SUPT20H: variants seen among roughly 807,000 people sequenced by gnomAD.
SUPT20H encodes the protein transcription factor SPT20 homolog.
In SUPT20H, 82 loss-of-function variants were observed where a neutral mutation model predicts 122.8. The observed-to-expected ratio is 0.67, with a 90% CI of 0.56 to 0.80. The LOEUF (loss-of-function observed/expected upper bound fraction) is 0.80, where lower values mean the gene tolerates loss of function less well. Among genes scored for constraint, SUPT20H ranks in the 30% least tolerant of loss-of-function variants. The probability of loss-of-function intolerance (pLI) is 0.00; values close to 1 mark genes in which losing one functional copy is unlikely to be tolerated. For synonymous variants in SUPT20H, 291 were observed against 313.0 expected (o/e 0.93, Z 0.74); for missense variants, 831 against 921.6 (o/e 0.90, Z 1.27).
chr13:37,027,791 C>T (rs560839088), intron 14 of SUPT20H, among the ~76,000 whole-genome samples: 13 of 152,208 alleles, frequency 8.5e-5, no homozygotes, highest in Non-Finnish European at 1.5e-4. Context: ...CATCTTTTCA[C>T]ATTTATAGTA....
At chr13:37,016,212 C>T (rs775774456) in intron 23 of SUPT20H, among the ~76,000 whole-genome samples, 3 of 151,908 alleles carry the variant, frequency 2.0e-5, no homozygotes, top group Admixed American at 6.6e-5. Flanking sequence ...GGGCGGATCA[C>T]GAGGTCAGGA....
In SUPT20H at chr13:37,031,883, C is replaced by T. The variant is rs867481478; in HGVS notation, c.720G>A (p.Arg240=). Reference sequence around the variant, plus strand: ...GCCGATTCAGAGAGGATCTGGAATACCTCTTGAAACACCTGAAATATTAAG... The same window carrying T: ...GCCGATTCAGAGAGGATCTGGAATATCTCTTGAAACACCTGAAATATTAAG... ...NTRPMKRCFK[R]YSRSSLNRQQ... The change falls in exon 11 of 26, where the codon AGG becomes AGA. Residue 240 remains arginine, a synonymous_variant. Transcript: ENST00000350612. 9 of 1,581,266 alleles carry T rather than the reference C, an allele frequency of 5.7e-6. No homozygotes were observed. The highest frequency in any genetic ancestry group is 7.7e-6 in the Non-Finnish European group (9 of 1,170,532).
chr13:37,033,306 G>C, intron 10 of SUPT20H, 143 bp downstream of exon 10: 2 of 1,011,684 alleles, frequency 2.0e-6, no homozygotes, highest in East Asian at 2.7e-5. Flanking sequence ...TTTGAGACTA[G>C]CCTGGGCAAC....
intron 6 of SUPT20H, 68 bp from the exon 7 acceptor site, chr13:37,044,249 G>T: frequency 1.6e-6 from 2 of 1,236,818 alleles, no homozygotes; most frequent in Non-Finnish European, 2.3e-6. Flanking sequence ...AATTCAAATG[G>T]CTTTTCAAAG....
At position 37,029,818 on chromosome 13, in the gene SUPT20H, C is replaced by G. The variant is rs762240141; in HGVS notation, c.940G>C (p.Val314Leu). Reference sequence around the variant, plus strand: ...TCATCAGATTTGATAGACTTTTCCACTTTAGCATATTTCTCCACCTAAACA... The same window carrying G: ...TCATCAGATTTGATAGACTTTTCCAGTTTAGCATATTTCTCCACCTAAACA... ...SEVDVEKYAK[V>L]EKSIKSDDSQ... Residue 314 changes from valine (V) to leucine (L), a missense_variant, in exon 13 of 26, where the codon GTG becomes CTG. Physicochemically the swap from Val to Leu is conservative, Grantham distance 32. Transcript: ENST00000350612. 1.9e-6 allele frequency: 3 copies of G among 1,600,190 alleles called. No individual in the cohort carries two copies. Among genetic ancestry groups the G allele is most frequent in the Non-Finnish European group, 2.6e-6 (3 of 1,174,220 alleles).
At chr13:37,017,514 CT>C in intron 22 of SUPT20H, 150 bp from the exon 23 acceptor site, 1 of 850,834 alleles carries the variant, frequency 1.2e-6, no homozygotes, top group Non-Finnish European at 1.7e-6. Flanking sequence ...GTTGGCTGCC[CT>C]TAAAAAAAAG....
In SUPT20H at chr13:37,048,552, G is replaced by T. The variant is rs371546254; in HGVS notation, c.39+12C>A. On this transcript the variant is annotated intron_variant, in intron 3 of 25. Transcript: ENST00000350612. ...CAACACTATTTCAATATGTAACTTA[G>T]TCACACCTCACCTCTGCACGATCCA... The T allele has an allele frequency of 3.7e-5, 59 of 1,582,946 alleles. No homozygotes were observed. The highest frequency in any genetic ancestry group is 5.0e-5 in the Non-Finnish European group (58 of 1,166,962).
At chr13:37,016,552 AG>A (rs761949236) in intron 23 of SUPT20H, among the ~76,000 whole-genome samples, 1 of 152,208 alleles carries the variant, frequency 6.6e-6, no homozygotes, top group East Asian at 1.9e-4. Flanking sequence ...ATGAAAAAAC[AG>A]TAAGTTTTTA....
chr13:37,042,176 T>G (rs183337964), intron 7 of SUPT20H, among the ~76,000 whole-genome samples: 8 of 152,168 alleles, frequency 5.3e-5, no homozygotes, highest in Admixed American at 5.2e-4. Flanking sequence ...GACTGGCATT[T>G]GCTGATGGAC....
intron 13 of SUPT20H, among the ~76,000 whole-genome samples, 168 bp from the exon 14 acceptor site, chr13:37,028,473 C>T (rs2062712541): frequency 6.6e-6 from 1 of 152,070 alleles, no homozygotes; most frequent in South Asian, 2.1e-4. Context: ...TAAAGCACAG[C>T]ACGGTTCTTT....
Position 37,026,249 on chromosome 13 carries a change from AG to A in SUPT20H, c.1179-14del, listed in dbSNP as rs746272163. On this transcript the variant is annotated splice_polypyrimidine_tract_variant and intron_variant, in intron 15 of 25. Transcript: ENST00000350612. ...TCCAATAATGAACCTAAAATGTTTA[AG>A]GAAAAAAAAGGAGAGAAAAGTATTA... 3.2e-5 allele frequency: 48 copies of A among 1,486,794 alleles called. No individual in the cohort carries two copies. The South Asian group carries it at 3.9e-4, about 12-fold the overall frequency. 92.1% of individuals were successfully genotyped at this position (1,486,794 alleles called of 1,614,324 possible).
At chr13:37,025,183 C>T (rs1005420210) in intron 17 of SUPT20H, 137 bp downstream of exon 17, 24 of 729,562 alleles carry the variant, frequency 3.3e-5, no homozygotes, top group Non-Finnish European at 5.1e-5. Context: ...CTCAGGTGAT[C>T]CACCCACCTT....
chr13:37,035,582 G>A (rs1030741762), intron 9 of SUPT20H, among the ~76,000 whole-genome samples: 6 of 151,464 alleles, frequency 4.0e-5, no homozygotes, highest in African/African-American at 1.5e-4. Flanking sequence ...GTGCAATGGC[G>A]TGATCCAGGC....
intron 25 of SUPT20H, 123 bp downstream of exon 25, chr13:37,010,429 A>G (rs1045059348): frequency 3.1e-5 from 26 of 829,114 alleles, no homozygotes; most frequent in Non-Finnish European, 4.3e-5. Context: ...AATTTGCTAA[A>G]TTATTTACCA....
intron 4 of SUPT20H, 64 bp from the exon 5 acceptor site, chr13:37,047,665 T>C (rs2066750445): frequency 1.5e-6 from 2 of 1,291,978 alleles, no homozygotes; most frequent in African/African-American, 1.5e-5. Context: ...GACATGAATG[T>C]TATTTAATTT....
chr13:37,033,942 T>G (rs1469351350), intron 9 of SUPT20H, among the ~76,000 whole-genome samples: 1 of 152,216 alleles, frequency 6.6e-6, no homozygotes, highest in East Asian at 1.9e-4. Context: ...TAATTTTTTT[T>G]GTATCTCAAA....
intron 1 of SUPT20H, among the ~76,000 whole-genome samples, chr13:37,058,049 A>T (rs2069606700): frequency 6.7e-6 from 1 of 150,294 alleles, no homozygotes; most frequent in Non-Finnish European, 1.5e-5. Context: ...GGGTCACTTG[A>T]GGTCAGGAAT....
In SUPT20H at chr13:37,031,886, C is replaced by T; in HGVS notation, c.717G>A (p.Lys239=). The T allele has an allele frequency of 1.3e-6, 2 of 1,578,806 alleles. No homozygotes were observed. Among genetic ancestry groups the T allele is most frequent in the Non-Finnish European group, 1.7e-6 (2 of 1,169,860 alleles). Residue 239 remains lysine (K), a synonymous_variant, in exon 11 of 26, where the codon AAG becomes AAA. Coordinates refer to ENST00000350612, the MANE Select transcript of SUPT20H (RefSeq NM_001014286.3). ...MNTRPMKRCF[K]RYSRSSLNRQ... ...GATTCAGAGAGGATCTGGAATACCT[C>T]TTGAAACACCTGAAATATTAAGAAA...
At position 37,012,270 on chromosome 13, in the gene SUPT20H, C is replaced by G; in HGVS notation, c.2020G>C (p.Glu674Gln). ...GCTTGCTGAGCAGATAAGGCCTGTT[C>G]TTGACTGGTTGAACCTTGCTCAGAA... The part of the protein sequence containing the change: ...QGSEQGSTSQ[E>Q]QALSAQQAAV... The change falls in exon 24 of 26, where the codon GAA (glutamate) becomes CAA (glutamine). Residue 674 changes from glutamate to glutamine, a missense_variant. Physicochemically the swap from Glu to Gln is conservative, Grantham distance 29. Transcript: ENST00000350612. 4 of 1,613,284 alleles carry G rather than the reference C, an allele frequency of 2.5e-6. No individual in the cohort carries two copies. The highest frequency in any genetic ancestry group is 3.4e-6 in the Non-Finnish European group (4 of 1,179,422).
Sources: allele counts gnomAD v4.1 joint callset (sites outside exome capture counted in the v4.1 genomes callset), GRCh38; gene constraint gnomAD v4.1.1; transcripts MANE v1.5; gene names NCBI Gene and HGNC (gene_info 2026-07-23, HGNC 2026-07-21).